ADGRE1: variants seen among roughly 807,000 people sequenced by gnomAD.
ADGRE1 encodes EGF-like module receptor 1.
In ADGRE1, 82 loss-of-function variants were observed where a neutral mutation model predicts 102.7. That is an observed-to-expected ratio of 0.80 (90% CI 0.67 to 0.96). The LOEUF (loss-of-function observed/expected upper bound fraction) is 0.96. Ranked by LOEUF, ADGRE1 falls within the 40% of genes least tolerant of loss-of-function variation. The pLI is 0.00. For missense variants in ADGRE1, 1,032 were observed against 1,085.3 expected (o/e 0.95, Z 0.69); for synonymous variants, 398 against 399.6 (o/e 1.00, Z 0.05).
intron 6 of ADGRE1, among the ~76,000 whole-genome samples, chr19:6,902,502 A>G (rs563897713): frequency 1.5e-5 from 2 of 137,424 alleles, no homozygotes; most frequent in East Asian, 4.4e-4. Context: ...GTGCAGTGGT[A>G]CAATCTCGGC....
intron 14 of ADGRE1, among the ~76,000 whole-genome samples, chr19:6,923,372 GT>G (rs1233111042): frequency 6.6e-6 from 1 of 152,142 alleles, no homozygotes. Flanking sequence ...TTCTGGCACA[GT>G]TGTACTTGAA....
intron 2 of ADGRE1, 76 bp from the exon 3 acceptor site, chr19:6,896,322 C>T (rs2144890914): frequency 1.4e-6 from 2 of 1,481,122 alleles, no homozygotes; most frequent in South Asian, 2.4e-5. Flanking sequence ...CACCTCCACC[C>T]TTGTATGCTG....
At chr19:6,901,548 A>G (rs897740) in intron 5 of ADGRE1, among the ~76,000 whole-genome samples, 56,303 of 152,098 alleles carry the variant, frequency 0.37, 12,250 homozygotes, top group African/African-American at 0.6. Context: ...CACATCTCTT[A>G]CAATCTACAT....
At chr19:6,924,982 A>T (rs1974837461) in intron 15 of ADGRE1, 110 bp downstream of exon 15, 10 of 1,139,882 alleles carry the variant, frequency 8.8e-6, no homozygotes, top group Non-Finnish European at 1.1e-5. Flanking sequence ...GGGCCTTTGC[A>T]TATGCTGTGC....
At position 6,904,102 on chromosome 19, in the gene ADGRE1, G is replaced by T; in HGVS notation, c.869G>T (p.Gly290Val). 6.2e-7 allele frequency: 1 copy of T among 1,614,178 alleles called. No homozygotes were observed. Among genetic ancestry groups the T allele is most frequent in the Non-Finnish European group, 8.5e-7 (1 of 1,180,028 alleles). Residue 290 changes from glycine to valine, a missense_variant, in exon 8 of 21, where the codon GGC becomes GTC. Transcript: ENST00000312053. ...GPNSICTNAL[G>V]SYSCGCIAGF... ...AATTCTATCTGCACCAATGCCCTGGGCTCCTACAGCTGTGGCTGCATTGCA... is the reference window on the plus strand; with the variant it reads ...AATTCTATCTGCACCAATGCCCTGGTCTCCTACAGCTGTGGCTGCATTGCA...
intron 6 of ADGRE1, 108 bp from the exon 7 acceptor site, chr19:6,903,702 C>G (rs1282877619): frequency 7.0e-7 from 1 of 1,437,590 alleles, no homozygotes. Flanking sequence ...TAGTCCCTGG[C>G]TGGGACACCA....
At chr19:6,935,860 G>T (rs1313874731) in intron 18 of ADGRE1, among the ~76,000 whole-genome samples, 2 of 152,158 alleles carry the variant, frequency 1.3e-5, no homozygotes, top group African/African-American at 4.8e-5. Flanking sequence ...CAACACTGGA[G>T]TTTATTGTTT....
chr19:6,922,692 C>A (rs958071795), intron 14 of ADGRE1, among the ~76,000 whole-genome samples: 1 of 150,806 alleles, frequency 6.6e-6, no homozygotes, highest in Non-Finnish European at 1.5e-5. Flanking sequence ...TCCAAGAGAG[C>A]CGATGATAGA....
At chr19:6,934,916 C>G in intron 17 of ADGRE1, 71 bp from the exon 18 acceptor site, 1 of 1,134,338 alleles carries the variant, frequency 8.8e-7, no homozygotes, top group Non-Finnish European at 1.2e-6. Flanking sequence ...CCAGAGTTCT[C>G]TTTTTATAGG....
intron 2 of ADGRE1, among the ~76,000 whole-genome samples, chr19:6,891,443 C>T (rs1973365398): frequency 6.6e-6 from 1 of 151,046 alleles, no homozygotes; most frequent in African/African-American, 2.5e-5. Context: ...GTGTTAACAG[C>T]TCATCTTTCA....
intron 5 of ADGRE1, chr19:6,897,771 C>T (rs1973617423): frequency 3.0e-6 from 1 of 328,582 alleles, no homozygotes; most frequent in African/African-American, 2.2e-5. Flanking sequence ...ATGGTTGGGT[C>T]TTTTTAAAAA....
In ADGRE1 at chr19:6,940,284, A is replaced by C; in HGVS notation, c.*255A>C. On this transcript the variant is annotated 3_prime_UTR_variant, in exon 21 of 21. Coordinates refer to ENST00000312053, the MANE Select transcript of ADGRE1 (RefSeq NM_001974.5). ...TTCTTCAATTCCAGAGTTTCTGAGA[A>C]CAGACCCAAATTCAATGGCATGACC... 1.7e-6 allele frequency: 1 copy of C among 573,230 alleles called. No individual in the cohort carries two copies. 35.5% of individuals were successfully genotyped at this position (573,230 alleles called of 1,614,324 possible).
chr19:6,929,038 T>C (rs1031270313), intron 17 of ADGRE1, among the ~76,000 whole-genome samples: 5 of 152,182 alleles, frequency 3.3e-5, no homozygotes, highest in Non-Finnish European at 5.9e-5. Context: ...TTTTTCCTTC[T>C]GAAAGGCAAA....
At position 6,922,014 on chromosome 19, in the gene ADGRE1, G is replaced by A. The variant is rs557359186; in HGVS notation, c.1791+131G>A. ...GTGGGATGGAGTCACGGGGACAGAAGGGGTAGGTGATATGCCTTTGCCCCT... is the reference window on the plus strand; with the variant it reads ...GTGGGATGGAGTCACGGGGACAGAAAGGGTAGGTGATATGCCTTTGCCCCT... On this transcript the variant is annotated intron_variant, in intron 14 of 20. Coordinates refer to ENST00000312053, the MANE Select transcript of ADGRE1 (RefSeq NM_001974.5). 1.1e-4 allele frequency: 114 copies of A among 1,076,862 alleles called. No individual in the cohort carries two copies. The African/African-American group carries it at 1.1e-3, about 10-fold the overall frequency. 66.7% of individuals were successfully genotyped at this position (1,076,862 alleles called of 1,614,324 possible).
rs1386926197 is a variant in ADGRE1, at chr19:6,904,184, T to C, written c.949+2T>C. ...AAGATGGCAACTTCAGCTGCCAAAG[T>C]AATAATCTCTTTGTATGTCTTGGCA... is the stretch of plus-strand genomic sequence containing the variant. On this transcript the variant is annotated splice_donor_variant, in intron 8 of 20. Transcript: ENST00000312053. LOFTEE classifies it high-confidence loss of function. 1.2e-6 allele frequency: 2 copies of C among 1,613,638 alleles called. No individual in the cohort carries two copies. Among genetic ancestry groups the C allele is most frequent in the South Asian group, 1.1e-5 (1 of 91,052 alleles).
intron 9 of ADGRE1, among the ~76,000 whole-genome samples, chr19:6,908,120 G>T (rs540120269): frequency 6.6e-6 from 1 of 152,236 alleles, no homozygotes; most frequent in Non-Finnish European, 1.5e-5. Flanking sequence ...GCTTAAAGGC[G>T]TTCTTAAACC....
rs143133137 is a variant in ADGRE1, at chr19:6,924,507, A to C, written c.1792-171A>C. On this transcript the variant is annotated intron_variant, in intron 14 of 20. Transcript: ENST00000312053. ...CTGGGAATAGGTGCTGGTGGATGCC[A>C]GTGGATTGCAAAGGATAATGAAGGA... is the stretch of plus-strand genomic sequence containing the variant. Among the ~76,000 whole-genome samples, 5 of 152,284 alleles carry C rather than the reference A, an allele frequency of 3.3e-5. No homozygotes were observed. In the East Asian group the frequency reaches 9.7e-4, roughly 29 times the overall value.
chr19:6,899,819 G>T (rs1338669044), intron 5 of ADGRE1, among the ~76,000 whole-genome samples: 1 of 152,042 alleles, frequency 6.6e-6, no homozygotes, highest in Admixed American at 6.5e-5. Context: ...TCAGCCGGGC[G>T]CAGTGGCTCC....
intron 1 of ADGRE1, 102 bp downstream of exon 1, chr19:6,887,741 TC>T: frequency 7.8e-7 from 1 of 1,277,670 alleles, no homozygotes; most frequent in Non-Finnish European, 1.1e-6. Flanking sequence ...AGATCATAAG[TC>T]CAGACTGGAT....
Sources: allele counts gnomAD v4.1 joint callset (sites outside exome capture counted in the v4.1 genomes callset), GRCh38; gene constraint gnomAD v4.1.1; transcripts MANE v1.5; gene names NCBI Gene and HGNC (gene_info 2026-07-23, HGNC 2026-07-21).